The following PRELID2 variants were observed in gnomAD, a reference collection of about 807,000 sequenced individuals.
PRELID2 encodes the protein PRELI domain containing 2, also known as PRELI domain-containing protein 2.
A neutral mutation model predicts 28.4 loss-of-function variants in PRELID2; 25 were observed. The observed-to-expected ratio is 0.88, with a 90% CI of 0.64 to 1.23. The LOEUF is 1.23. Ranked by LOEUF, PRELID2 falls within the 50% of genes most tolerant of loss-of-function variation. The pLI, the probability that PRELID2 is intolerant of heterozygous loss-of-function variation, is 0.00. For missense variants in PRELID2, 201 were observed against 214.4 expected, an observed-to-expected ratio of 0.94 and a Z score of 0.39; for synonymous variants, 76 against 71.6, an observed-to-expected ratio of 1.06 and a Z score of -0.31.
At chr5:145,405,956 C>T in the PRELID2 span, among the ~76,000 whole-genome samples, 4 of 152,162 alleles carry the variant, frequency 2.6e-5, no homozygotes, top group South Asian at 6.2e-4. Context: ...CCACTCACCT[C>T]AGCCTCCCAA....
the PRELID2 span, among the ~76,000 whole-genome samples, chr5:145,313,472 C>A: frequency 6.6e-6 from 1 of 152,166 alleles, no homozygotes; most frequent in South Asian, 2.1e-4. Context: ...TTTGTGAAAA[C>A]CTGTTCACCT....
At chr5:145,581,554 T>C (rs1298587189) in intron 1 of PRELID2, among the ~76,000 whole-genome samples, 1 of 152,106 alleles carries the variant, frequency 6.6e-6, no homozygotes, top group Non-Finnish European at 1.5e-5. Context: ...TGCCAGGTCA[T>C]ATCCTTTCCT....
the PRELID2 span, among the ~76,000 whole-genome samples, chr5:145,393,600 C>T: frequency 1.2e-4 from 19 of 152,118 alleles, no homozygotes; most frequent in African/African-American, 3.9e-4. Flanking sequence ...TGACAGCTGG[C>T]GTTTGCCTTA....
chr5:145,618,272 C>T (rs746197412), intron 1 of PRELID2, among the ~76,000 whole-genome samples: 1 of 152,074 alleles, frequency 6.6e-6, no homozygotes, highest in Non-Finnish European at 1.5e-5. Flanking sequence ...TGTCATGTTA[C>T]CTGAGTTGGT....
chr5:145,784,788 T>C (rs1256800627), intron 5 of PRELID2, among the ~76,000 whole-genome samples: 5 of 64 alleles, frequency 0.078, no homozygotes, highest in African/African-American at 0.15. Flanking sequence ...CCAACTTTGT[T>C]TTTTTTTTTT....
At chr5:145,229,329 T>C in the PRELID2 span, 4 of 741,686 alleles carry the variant, frequency 5.4e-6, no homozygotes, top group East Asian at 7.8e-5. Flanking sequence ...GGGATTCCCA[T>C]CCTGGTCACT....
the PRELID2 span, among the ~76,000 whole-genome samples, chr5:145,456,804 C>A: frequency 2.0e-5 from 3 of 152,034 alleles, no homozygotes; most frequent in African/African-American, 7.2e-5. Flanking sequence ...AAGTAACAAT[C>A]TTTTACAGTT....
intron 1 of PRELID2, among the ~76,000 whole-genome samples, chr5:145,697,605 C>T (rs75029193): frequency 0.046 from 7,034 of 152,196 alleles, 574 homozygotes; most frequent in African/African-American, 0.16. Flanking sequence ...GCCTGCAAAG[C>T]CTAAAATATT....
chr5:145,636,300 A>G (rs535650094), intron 1 of PRELID2, among the ~76,000 whole-genome samples: 2 of 152,338 alleles, frequency 1.3e-5, no homozygotes, highest in South Asian at 4.1e-4. Flanking sequence ...GCACATGCTC[A>G]ATGCCATTCT....
chr5:145,337,107 T>G, the PRELID2 span, among the ~76,000 whole-genome samples: 1 of 149,814 alleles, frequency 6.7e-6, no homozygotes, highest in Non-Finnish European at 1.5e-5. Flanking sequence ...AAACTTGAAG[T>G]ATAATAATAA....
intron 5 of PRELID2, among the ~76,000 whole-genome samples, chr5:145,784,680 T>C (rs765041524): frequency 1.6e-4 from 24 of 152,044 alleles, no homozygotes; most frequent in Non-Finnish European, 3.4e-4. Flanking sequence ...TGGAATATTA[T>C]GCAGGCATCA....
At chr5:145,794,821 G>C (rs1406460694) in intron 5 of PRELID2, among the ~76,000 whole-genome samples, 1 of 152,056 alleles carries the variant, frequency 6.6e-6, no homozygotes, top group Non-Finnish European at 1.5e-5. Flanking sequence ...AGGTTCATCA[G>C]ATTAATTGAT....
chr5:145,825,997 C>T (rs959127804), intron 1 of PRELID2: 24 of 984,550 alleles, frequency 2.4e-5, no homozygotes, highest in South Asian at 4.7e-5. Flanking sequence ...GGAACACTTA[C>T]CTGGGAAGAC....
At chr5:145,233,817 C>G in the PRELID2 span, among the ~76,000 whole-genome samples, 1 of 152,170 alleles carries the variant, frequency 6.6e-6, no homozygotes, top group South Asian at 2.1e-4. Context: ...TTCTTACAAG[C>G]TAGCCTAAGC....
the PRELID2 span, among the ~76,000 whole-genome samples, chr5:145,328,414 G>A: frequency 3.5e-4 from 53 of 152,226 alleles, 1 homozygote; most frequent in Admixed American, 5.9e-4. Flanking sequence ...GTGTAAAAGC[G>A]TTGCTATTTC....
At chr5:145,748,900 G>C (rs1291658921) in intron 1 of PRELID2, among the ~76,000 whole-genome samples, 1 of 152,126 alleles carries the variant, frequency 6.6e-6, no homozygotes, top group East Asian at 1.9e-4. Context: ...AATAAATGGT[G>C]CTAGGAAAAC....
At position 145,740,869 on chromosome 5, in the gene PRELID2, G is replaced by C. The variant is rs142177496; in HGVS notation, n.70+24062C>G. On this transcript the variant is annotated intron_variant and non_coding_transcript_variant, in intron 1 of 2. Coordinates refer to the PRELID2 transcript ENST00000510259. ...AAATATATATGTACATATATTTATCGATAAATATATATGTACATATATTTA... is the reference window on the plus strand; with the variant it reads ...AAATATATATGTACATATATTTATCCATAAATATATATGTACATATATTTA... Among the ~76,000 whole-genome samples the C allele has an allele frequency of 8.4e-4, 27 of 32,126 alleles. 3 individuals are homozygous for C. In the East Asian group the frequency reaches 0.036, roughly 43 times the overall value. The allele number at this position is 32,126 out of a possible 152,430, so 21.1% of individuals were successfully genotyped here.
At chr5:145,442,986 T>C in the PRELID2 span, among the ~76,000 whole-genome samples, 3 of 152,040 alleles carry the variant, frequency 2.0e-5, no homozygotes, top group South Asian at 6.2e-4. Flanking sequence ...ATCTTATCCA[T>C]ATGGACAGGC....
the PRELID2 span, among the ~76,000 whole-genome samples, chr5:145,330,723 G>C: frequency 6.6e-6 from 1 of 151,918 alleles, no homozygotes; most frequent in Admixed American, 6.6e-5. Context: ...TCAAAAAATA[G>C]CTCCTGGATT....
Sources: allele counts gnomAD v4.1 joint callset (sites outside exome capture counted in the v4.1 genomes callset), GRCh38; gene constraint gnomAD v4.1.1; transcripts MANE v1.5; gene names NCBI Gene and HGNC (gene_info 2026-07-23, HGNC 2026-07-21).